The following KCNH5 variants were observed in gnomAD, a reference collection of about 807,000 sequenced individuals.
KCNH5 encodes the protein potassium voltage-gated channel subfamily H member 5, also known as voltage-gated delayed rectifier potassium channel KCNH5.
A neutral mutation model predicts 96.1 loss-of-function variants in KCNH5; 46 were observed. That is an observed-to-expected ratio of 0.48 (90% CI 0.38 to 0.61). KCNH5 has a LOEUF of 0.61. Ranked by LOEUF, KCNH5 falls within the 20% of genes least tolerant of loss-of-function variation. The pLI, the probability that KCNH5 is intolerant of heterozygous loss-of-function variation, is 0.00. For missense variants in KCNH5, 907 were observed against 1,225.8 expected (o/e 0.74, Z 3.88); for synonymous variants, 439 against 449.8 (o/e 0.98, Z 0.30).
At chr14:62,831,799 C>T (rs1305435167) in intron 8 of KCNH5, among the ~76,000 whole-genome samples, 1 of 152,208 alleles carries the variant, frequency 6.6e-6, no homozygotes, top group African/African-American at 2.4e-5. Context: ...GCCTCAACCT[C>T]CCTGGCTCAA....
At chr14:62,882,611 C>A (rs1176954194) in intron 7 of KCNH5, among the ~76,000 whole-genome samples, 1 of 152,162 alleles carries the variant, frequency 6.6e-6, no homozygotes, top group African/African-American at 2.4e-5. Flanking sequence ...AGAAATAGGG[C>A]CACCATGCTG....
chr14:62,711,227 C>A (rs1884559999), intron 10 of KCNH5, among the ~76,000 whole-genome samples: 1 of 152,018 alleles, frequency 6.6e-6, no homozygotes, highest in Non-Finnish European at 1.5e-5. Context: ...AGCTGCCCCC[C>A]ACCCACCCCC....
At chr14:62,847,793 C>T (rs1240288275) in intron 8 of KCNH5, among the ~76,000 whole-genome samples, 1 of 152,170 alleles carries the variant, frequency 6.6e-6, no homozygotes, top group Non-Finnish European at 1.5e-5. Context: ...TCTTTAACTG[C>T]AAATGAACAA....
At chr14:62,947,831 T>G (rs1889920186) in intron 7 of KCNH5, among the ~76,000 whole-genome samples, 1 of 151,644 alleles carries the variant, frequency 6.6e-6, no homozygotes, top group Admixed American at 6.6e-5. Context: ...TTTATTTATT[T>G]TTATTATTAT....
chr14:62,771,314 G>A (rs1885980577), intron 10 of KCNH5, among the ~76,000 whole-genome samples: 1 of 152,114 alleles, frequency 6.6e-6, no homozygotes, highest in Non-Finnish European at 1.5e-5. Context: ...TGAACTAAGT[G>A]GTATAGAGAT....
chr14:62,814,957 C>T (rs373564282), intron 8 of KCNH5, among the ~76,000 whole-genome samples: 19 of 152,066 alleles, frequency 1.2e-4, no homozygotes, highest in East Asian at 9.7e-4. Context: ...ATATATGCAG[C>T]GAATCTTGTG....
chr14:62,776,648 C>T (rs1886102396), intron 10 of KCNH5, among the ~76,000 whole-genome samples: 1 of 152,160 alleles, frequency 6.6e-6, no homozygotes, highest in South Asian at 2.1e-4. Context: ...TGGTCCTTGA[C>T]AGAAAAATTT....
chr14:62,793,400 A>C (rs909388451), intron 9 of KCNH5, among the ~76,000 whole-genome samples: 3 of 151,806 alleles, frequency 2.0e-5, no homozygotes, highest in Admixed American at 6.6e-5. Context: ...TTGCATATAC[A>C]CAGACTCATC....
At chr14:63,036,774 G>C (rs1278877597) in intron 1 of KCNH5, among the ~76,000 whole-genome samples, 2 of 152,050 alleles carry the variant, frequency 1.3e-5, no homozygotes, top group African/African-American at 4.8e-5. Context: ...GAGGGAGGAG[G>C]AGAGGAACAA....
rs533338262 is a variant in KCNH5, at chr14:62,856,246, G to A, written c.1370-6394C>T. ...TAAAAAAATGTGGTCCAGTTATTTC[G>A]TTTGCTCATTAGGTCAAGCTGCATC... On this transcript the variant is annotated intron_variant, in intron 7 of 10. Transcript: ENST00000322893. Among the ~76,000 whole-genome samples the A allele has an allele frequency of 1.4e-4, 21 of 152,180 alleles. 2 individuals carry two copies. In the South Asian group the frequency reaches 3.3e-3, roughly 24 times the overall value.
chr14:62,961,409 T>G (rs1156355155), intron 6 of KCNH5, among the ~76,000 whole-genome samples: 1 of 152,176 alleles, frequency 6.6e-6, no homozygotes, highest in Non-Finnish European at 1.5e-5. Flanking sequence ...CTCTCAGGAC[T>G]GGGCTTAAAA....
At chr14:62,727,755 C>T (rs897321330) in intron 10 of KCNH5, among the ~76,000 whole-genome samples, 1 of 139,924 alleles carries the variant, frequency 7.1e-6, no homozygotes, top group African/African-American at 2.7e-5. Context: ...AATAAAATAA[C>T]GACACTGCTT....
chr14:62,972,208 A>G (rs1890422354), intron 6 of KCNH5, among the ~76,000 whole-genome samples: 1 of 152,238 alleles, frequency 6.6e-6, no homozygotes, highest in South Asian at 2.1e-4. Context: ...AGATATTCCT[A>G]TGAGAATTAA....
intron 10 of KCNH5, among the ~76,000 whole-genome samples, chr14:62,747,978 C>T (rs1200023083): frequency 2.0e-5 from 3 of 152,146 alleles, no homozygotes; most frequent in African/African-American, 7.2e-5. Flanking sequence ...CACTGCATTG[C>T]TGTATATGAA....
At chr14:62,832,166 CCTA>C (rs1406324456) in intron 8 of KCNH5, among the ~76,000 whole-genome samples, 4 of 151,668 alleles carry the variant, frequency 2.6e-5, no homozygotes, top group African/African-American at 4.8e-5. Flanking sequence ...TGAAATTTAC[CCTA>C]CTATTAAACT....
At chr14:62,741,136 T>C (rs1885262780) in intron 10 of KCNH5, among the ~76,000 whole-genome samples, 1 of 152,164 alleles carries the variant, frequency 6.6e-6, no homozygotes, top group African/African-American at 2.4e-5. Context: ...TAATGGAGTT[T>C]TCCCAGAAAA....
intron 10 of KCNH5, among the ~76,000 whole-genome samples, chr14:62,723,527 G>A (rs1230972514): frequency 3.3e-5 from 5 of 152,174 alleles, no homozygotes. Context: ...AAAGTGATTA[G>A]CCACTTGGAT....
At chr14:62,976,814 T>C (rs1459897001) in intron 6 of KCNH5, among the ~76,000 whole-genome samples, 1 of 152,206 alleles carries the variant, frequency 6.6e-6, no homozygotes, top group Non-Finnish European at 1.5e-5. Flanking sequence ...ATATTATAGC[T>C]AGCTTAACTA....
intron 7 of KCNH5, among the ~76,000 whole-genome samples, chr14:62,938,837 A>G (rs1450978127): frequency 6.6e-6 from 1 of 152,254 alleles, no homozygotes; most frequent in African/African-American, 2.4e-5. Flanking sequence ...AATTTCATAC[A>G]AACTTCTAAG....
Sources: gnomAD v4.1 joint callset for allele counts (sites outside exome capture counted in the v4.1 genomes callset) on GRCh38, gnomAD v4.1.1 for gene constraint, MANE v1.5 for transcripts, NCBI Gene and HGNC (gene_info 2026-07-23, HGNC 2026-07-21) for gene names.